Variants in CCT7 observed in about 807,000 individuals in gnomAD.
CCT7 encodes T-complex protein 1 subunit eta.
CCT7 carries 16 observed loss-of-function variants against 56.6 expected under a neutral mutation model. The observed-to-expected ratio is 0.28, with a 90% CI of 0.19 to 0.43. The LOEUF (loss-of-function observed/expected upper bound fraction) is 0.43, where lower values mean the gene tolerates loss of function less well. Among genes scored for constraint, CCT7 ranks in the 20% least tolerant of loss-of-function variants. CCT7 has a pLI of 1.00. For missense variants in CCT7, 519 were observed against 685.6 expected, an observed-to-expected ratio of 0.76 and a Z score of 2.71; for synonymous variants, 262 against 254.8, an observed-to-expected ratio of 1.03 and a Z score of -0.27.
intron 3 of CCT7, 139 bp from the exon 4 acceptor site, chr2:73,242,865 A>G: frequency 1.0e-6 from 1 of 992,266 alleles, no homozygotes; most frequent in South Asian, 1.5e-5. Context: ...CTTATTGCAA[A>G]AACCTGTGCT....
Position 73,244,716 on chromosome 2 carries a change from G to A in CCT7, c.618+1G>A. ...GAAGGTACAGGGTGGAGCCCTCGAG[G>A]TAAGCCTGCTGTGGCCTTCCTAGAC... On this transcript the variant is annotated splice_donor_variant, in intron 6 of 11. Coordinates refer to ENST00000258091, the MANE Select transcript of CCT7 (RefSeq NM_006429.4). LOFTEE classifies it high-confidence loss of function. The A allele has an allele frequency of 6.2e-7, 1 of 1,607,826 alleles. No individual in the cohort carries two copies. Among genetic ancestry groups the A allele is most frequent in the Non-Finnish European group, 8.5e-7 (1 of 1,175,860 alleles).
intron 1 of CCT7, 136 bp downstream of exon 1, chr2:73,234,520 C>A: frequency 9.4e-7 from 1 of 1,061,404 alleles, no homozygotes; most frequent in Non-Finnish European, 1.4e-6. Flanking sequence ...AGCTTAGGGG[C>A]GACCCCAGCC....
In CCT7 at chr2:73,242,994, C is replaced by T; in HGVS notation, c.268-10C>T. The stretch of plus-strand genomic sequence containing the variant: ...TCAGAAAACGTGTATTTCCTGTCAT[C>T]ATCTTCCAGGTGGGTGATGGCACCA... On this transcript the variant is annotated splice_polypyrimidine_tract_variant and intron_variant, in intron 3 of 11. Coordinates refer to ENST00000258091, the MANE Select transcript of CCT7 (RefSeq NM_006429.4). 6.2e-7 allele frequency: 1 copy of T among 1,613,714 alleles called. No homozygotes were observed. Among genetic ancestry groups the T allele is most frequent in the Non-Finnish European group, 8.5e-7 (1 of 1,179,874 alleles).
intron 3 of CCT7, among the ~76,000 whole-genome samples, chr2:73,241,431 T>TA (rs1687107560): frequency 6.6e-6 from 1 of 152,014 alleles, no homozygotes; most frequent in South Asian, 2.1e-4. Context: ...TTTCTTACCT[T>TA]ACACAGTGAA....
At chr2:73,239,162 G>A (rs892780056) in intron 1 of CCT7, 1 of 154,264 alleles carries the variant, frequency 6.5e-6, no homozygotes, top group African/African-American at 2.4e-5. Context: ...GCATCTCTAG[G>A]ACAACACCTC....
At chr2:73,242,929 G>T (rs532493932) in intron 3 of CCT7, 75 bp from the exon 4 acceptor site, 15 of 1,562,764 alleles carry the variant, frequency 9.6e-6, no homozygotes, top group African/African-American at 2.7e-5. Flanking sequence ...AATGGGTAGC[G>T]TGCCTAAAAA....
At chr2:73,242,464 G>C (rs1471098685) in intron 3 of CCT7, among the ~76,000 whole-genome samples, 1 of 152,052 alleles carries the variant, frequency 6.6e-6, no homozygotes. Flanking sequence ...ATTTTTAGTA[G>C]AGACAGGGTT....
At chr2:73,244,430 T>G in intron 5 of CCT7, 114 bp from the exon 6 acceptor site, 1 of 863,218 alleles carries the variant, frequency 1.2e-6, no homozygotes. Context: ...AAAGGTGAAG[T>G]TGGAGAGGGC....
intron 1 of CCT7, among the ~76,000 whole-genome samples, chr2:73,236,587 C>A (rs757627242): frequency 6.6e-6 from 1 of 152,234 alleles, no homozygotes; most frequent in Non-Finnish European, 1.5e-5. Flanking sequence ...GATTCACCCA[C>A]CTTGGACTCC....
chr2:73,237,460 G>C (rs1291850559), intron 1 of CCT7: 1 of 152,210 alleles, frequency 6.6e-6, no homozygotes, highest in East Asian at 1.9e-4. Flanking sequence ...TGGCAGGGGT[G>C]GACCAGAGAA....
At chr2:73,250,706 A>G (rs1034238777) in intron 10 of CCT7, among the ~76,000 whole-genome samples, 4 of 151,862 alleles carry the variant, frequency 2.6e-5, no homozygotes, top group African/African-American at 9.7e-5. Flanking sequence ...GAAGGCCGAG[A>G]TGGGAGGGTT....
intron 1 of CCT7, among the ~76,000 whole-genome samples, chr2:73,238,212 A>AGGG: frequency 6.6e-6 from 1 of 152,096 alleles, no homozygotes; most frequent in Non-Finnish European, 1.5e-5. Context: ...TTTTATGTAA[A>AGGG]TCACAGTATG....
At position 73,251,217 on chromosome 2, in the gene CCT7, T is replaced by A; in HGVS notation, c.1204-9T>A. 2 of 1,613,920 alleles carry A rather than the reference T, an allele frequency of 1.2e-6. No individual in the cohort carries two copies. The highest frequency in any genetic ancestry group is 1.7e-6 in the Non-Finnish European group (2 of 1,179,872). ...CCTCTTACATTGAGAGGTGGTCTGA[T>A]CTCTGCAGAATGATTCAGTGGTGGC... On this transcript the variant is annotated splice_polypyrimidine_tract_variant and intron_variant, in intron 10 of 11. Transcript: ENST00000258091.
chr2:73,234,517 G>T, intron 1 of CCT7, 133 bp downstream of exon 1: 1 of 1,116,006 alleles, frequency 9.0e-7, no homozygotes, highest in Non-Finnish European at 1.3e-6. Context: ...CCCAGCTTAG[G>T]GGCGACCCCA....
intron 5 of CCT7, chr2:73,244,285 C>A: frequency 1.6e-6 from 1 of 611,260 alleles, no homozygotes; most frequent in Non-Finnish European, 2.8e-6. Context: ...GGCTGTTTGG[C>A]TCCTGCCAGA....
In CCT7 at chr2:73,252,873, C is replaced by T. The variant is rs754260886; in HGVS notation, c.*12C>T. On this transcript the variant is annotated 3_prime_UTR_variant, in exon 12 of 12. Transcript: ENST00000258091. ...GCCGCCCCCACTGAGAGGCACCCCA[C>T]CCATCACATGGCTGGCTGGCTGCTG... The T allele has an allele frequency of 5.6e-6, 9 of 1,601,712 alleles. 1 individual carries two copies. The South Asian group carries it at 7.7e-5, about 14-fold the overall frequency.
chr2:73,239,563 T>A (rs1035229547), intron 1 of CCT7, 80 bp from the exon 2 acceptor site: 1 of 1,294,730 alleles, frequency 7.7e-7, no homozygotes, highest in Non-Finnish European at 1.1e-6. Flanking sequence ...AAGGGAGAGA[T>A]GGGAGCATTT....
intron 6 of CCT7, 38 bp from the exon 7 acceptor site, chr2:73,247,724 A>G: frequency 6.3e-7 from 1 of 1,592,522 alleles, no homozygotes; most frequent in Non-Finnish European, 8.6e-7. Context: ...ATTTCATGTT[A>G]GTACCAAACC....
chr2:73,245,210 C>A (rs1222855972), intron 6 of CCT7, among the ~76,000 whole-genome samples: 1 of 152,202 alleles, frequency 6.6e-6, no homozygotes, highest in Non-Finnish European at 1.5e-5. Flanking sequence ...TTGTGTGTAT[C>A]CTTGCAGAAT....
Sources: gnomAD v4.1 joint callset for allele counts (sites outside exome capture counted in the v4.1 genomes callset) on GRCh38, gnomAD v4.1.1 for gene constraint, MANE v1.5 for transcripts, NCBI Gene and HGNC (gene_info 2026-07-23, HGNC 2026-07-21) for gene names.